Variants in LY86 observed in about 807,000 individuals in gnomAD.
LY86 encodes MD-1, RP105-associated.
Under a neutral mutation model 17.3 loss-of-function variants are expected in LY86, and 20 were observed. The ratio of observed to expected loss-of-function variants is 1.15; its 90% CI spans 0.81 to 1.68. The LOEUF is 1.68. Among genes scored for constraint, LY86 ranks in the 40% most tolerant of loss-of-function variants. LY86 has a pLI of 0.00. For missense variants in LY86, 200 were observed against 191.9 expected (o/e 1.04, Z -0.25); for synonymous variants, 74 against 70.6 (o/e 1.05, Z -0.24).
chr6:6,603,619 C>CAAAAAAAAA (rs758614233), intron 1 of LY86, among the ~76,000 whole-genome samples: 3 of 117,672 alleles, frequency 2.5e-5, no homozygotes, highest in Non-Finnish European at 5.2e-5. Flanking sequence ...AAAAAACAAA[C>CAAAAAAAAA]AAAAAAAAAC....
At position 6,588,854 on chromosome 6, in the gene LY86, G is replaced by A. The variant is rs1313405027; in HGVS notation, c.120G>A (p.Val40=). ...TCTGTAGCGACAGCGGCTTGGAAGT[G>A]CTCTACCAGAGTTGCGGTAAGCCCT... The part of the protein sequence containing the change: ...HVVCSDSGLE[V]LYQSCDPLQD... The change falls in exon 1 of 5, where the codon GTG becomes GTA. Residue 40 remains valine (V), a synonymous_variant. Coordinates refer to ENST00000230568, the MANE Select transcript of LY86 (RefSeq NM_004271.4). 1 of 1,613,926 alleles carries A rather than the reference G, an allele frequency of 6.2e-7. No individual in the cohort carries two copies. Among genetic ancestry groups the A allele is most frequent in the African/African-American group, 1.3e-5 (1 of 74,932 alleles).
At chr6:6,648,150 C>T (rs532426884) in intron 3 of LY86, among the ~76,000 whole-genome samples, 5 of 152,246 alleles carry the variant, frequency 3.3e-5, no homozygotes, top group South Asian at 2.1e-4. Context: ...TGATCTCATT[C>T]GTGTTCTCTA....
chr6:6,654,302 C>A (rs1316295035), intron 4 of LY86, among the ~76,000 whole-genome samples: 21 of 152,212 alleles, frequency 1.4e-4, no homozygotes, highest in Admixed American at 1.4e-3. Context: ...TCCCTTCCTG[C>A]ATGAGTTTTC....
intron 1 of LY86, among the ~76,000 whole-genome samples, chr6:6,616,928 T>A (rs1761569306): frequency 6.6e-6 from 1 of 152,226 alleles, no homozygotes; most frequent in African/African-American, 2.4e-5. Flanking sequence ...CCTGGTTGTG[T>A]GAGTGTCACC....
chr6:6,649,015 T>A (rs1446234271), intron 3 of LY86, among the ~76,000 whole-genome samples: 1 of 152,172 alleles, frequency 6.6e-6, no homozygotes, highest in Non-Finnish European at 1.5e-5. Flanking sequence ...CATACCACTA[T>A]GAAGAAACAC....
intron 1 of LY86, among the ~76,000 whole-genome samples, chr6:6,618,652 T>C (rs1761608452): frequency 1.3e-5 from 2 of 152,214 alleles, no homozygotes; most frequent in Admixed American, 1.3e-4. Context: ...CATGTTTAAG[T>C]ATTTTGAACA....
chr6:6,603,470 A>G (rs1027462963), intron 1 of LY86, among the ~76,000 whole-genome samples: 1 of 152,084 alleles, frequency 6.6e-6, no homozygotes, highest in Non-Finnish European at 1.5e-5. Flanking sequence ...AGTATCTGAA[A>G]ATAATGGATA....
At chr6:6,594,257 G>A (rs1208420426) in intron 1 of LY86, among the ~76,000 whole-genome samples, 1 of 152,218 alleles carries the variant, frequency 6.6e-6, no homozygotes, top group African/African-American at 2.4e-5. Flanking sequence ...GAGCCCGCAG[G>A]CCAAACCCCA....
chr6:6,652,858 C>T (rs1486320175), intron 4 of LY86, among the ~76,000 whole-genome samples: 1 of 152,194 alleles, frequency 6.6e-6, no homozygotes, highest in African/African-American at 2.4e-5. Flanking sequence ...AATACAACAG[C>T]TCCTCTTAGG....
intron 3 of LY86, among the ~76,000 whole-genome samples, chr6:6,629,829 G>A (rs892232836): frequency 2.6e-5 from 4 of 152,162 alleles, no homozygotes; most frequent in African/African-American, 4.8e-5. Context: ...AGGAAATAGC[G>A]TATATGGCCA....
Position 6,598,994 on chromosome 6 carries a change from C to T in LY86, c.136+10124C>T, listed in dbSNP as rs9504864. On this transcript the variant is annotated intron_variant, in intron 1 of 4. Transcript: ENST00000230568. ...TCTGCCTAATTTGTATATGGGACCA[C>T]TTGAGCTGATCAGTCCTTCTGTTCC... Among the ~76,000 whole-genome samples, 1,454 of 152,310 alleles carry T rather than the reference C, an allele frequency of 9.5e-3. 14 individuals carry two copies. The highest frequency in any genetic ancestry group is 0.026 in the South Asian group (123 of 4,818).
At position 6,624,949 on chromosome 6, in the gene LY86, T is replaced by C; in HGVS notation, c.160T>C (p.Ser54Pro). Residue 54 changes from serine (S) to proline (P), a missense_variant, in exon 2 of 5, where the codon TCT (serine) becomes CCT (proline). By Grantham distance (74) the Ser-to-Pro change is moderately conservative (BLOSUM62 -1). Coordinates refer to ENST00000230568, the MANE Select transcript of LY86 (RefSeq NM_004271.4). Reference protein sequence around the residue: ...SCDPLQDFGFSVEKCSKQLKS... With the variant: ...SCDPLQDFGFPVEKCSKQLKS... ...AGATCCATTACAAGATTTTGGCTTT[T>C]CTGTTGAAAAGTGTTCCAAGCAATT... The C allele has an allele frequency of 6.4e-7, 1 of 1,564,030 alleles. No homozygotes were observed. Among genetic ancestry groups the C allele is most frequent in the Non-Finnish European group, 8.8e-7 (1 of 1,141,002 alleles).
rs1762233823 is a variant in LY86 at position 6,654,603 on chromosome 6, C to T, written c.465C>T (p.Ala155=). Residue 155 remains alanine, a synonymous_variant, in exon 5 of 5, where the codon GCC becomes GCT. Transcript: ENST00000230568. ...YTEKRSTVAC[A]NATIMCS Reference sequence around the variant, plus strand: ...AAAAACGGTCCACCGTGGCCTGTGCCAATGCTACTATCATGTGCTCCTGAC... The same window carrying T: ...AAAAACGGTCCACCGTGGCCTGTGCTAATGCTACTATCATGTGCTCCTGAC... 6.2e-7 allele frequency: 1 copy of T among 1,614,048 alleles called. No homozygotes were observed. Among genetic ancestry groups the T allele is most frequent in the African/African-American group, 1.3e-5 (1 of 74,934 alleles).
At chr6:6,642,024 G>C (rs980946436) in intron 3 of LY86, among the ~76,000 whole-genome samples, 1 of 152,206 alleles carries the variant, frequency 6.6e-6, no homozygotes, top group Non-Finnish European at 1.5e-5. Flanking sequence ...TGCCCTTCAC[G>C]GGCTTCTCTG....
chr6:6,620,312 G>A (rs1422022466), intron 1 of LY86, among the ~76,000 whole-genome samples: 1 of 152,118 alleles, frequency 6.6e-6, no homozygotes. Context: ...GCAACTTCCT[G>A]TGAAAATATA....
At chr6:6,605,468 CAA>C (rs1310248792) in intron 1 of LY86, among the ~76,000 whole-genome samples, 11 of 152,238 alleles carry the variant, frequency 7.2e-5, no homozygotes, top group African/African-American at 2.4e-4. Context: ...TACTGGAGTT[CAA>C]GTCTTCAATA....
At chr6:6,636,790 T>G (rs932855482) in intron 3 of LY86, among the ~76,000 whole-genome samples, 1 of 151,990 alleles carries the variant, frequency 6.6e-6, no homozygotes, top group African/African-American at 2.4e-5. Context: ...GTAGATTTCC[T>G]GCTTGTAAAT....
intron 1 of LY86, among the ~76,000 whole-genome samples, chr6:6,595,753 C>T (rs949394593): frequency 2.6e-5 from 4 of 152,150 alleles, no homozygotes; most frequent in Non-Finnish European, 5.9e-5. Flanking sequence ...TTAAGAACAG[C>T]ATATTTTATA....
At chr6:6,650,354 T>TTGA (rs1554126944) in intron 4 of LY86, among the ~76,000 whole-genome samples, 22 of 151,336 alleles carry the variant, frequency 1.5e-4, no homozygotes, top group African/African-American at 4.9e-4. Context: ...TTTTTTTTTT[T>TTGA]GAGAGAGTCT....
Sources: gnomAD v4.1 joint callset for allele counts (sites outside exome capture counted in the v4.1 genomes callset) on GRCh38, gnomAD v4.1.1 for gene constraint, MANE v1.5 for transcripts, NCBI Gene and HGNC (gene_info 2026-07-23, HGNC 2026-07-21) for gene names.